The following PCDH15 variants were observed in gnomAD, a reference collection of about 807,000 sequenced individuals.
PCDH15 encodes the protein protocadherin related 15, also known as protocadherin-15.
Under a neutral mutation model 178.5 loss-of-function variants are expected in PCDH15, and 129 were observed. The ratio of observed to expected loss-of-function variants is 0.72; its 90% CI spans 0.63 to 0.84. The LOEUF (loss-of-function observed/expected upper bound fraction) is 0.84. Ranked by LOEUF, PCDH15 falls within the 40% of genes least tolerant of loss-of-function variation. PCDH15 has a pLI of 0.00. For missense variants in PCDH15, 2,230 were observed against 2,099.9 expected (o/e 1.06, Z -1.21); for synonymous variants, 800 against 732.0 (o/e 1.09, Z -1.50).
chr10:54,956,079 A>C (rs1838476745), intron 2 of PCDH15, among the ~76,000 whole-genome samples: 1 of 151,248 alleles, frequency 6.6e-6, no homozygotes, highest in Non-Finnish European at 1.5e-5. Flanking sequence ...CATCCATATT[A>C]TTTTCTTCCT....
At chr10:55,411,590 A>G (rs542400882) in intron 2 of PCDH15, among the ~76,000 whole-genome samples, 2 of 152,222 alleles carry the variant, frequency 1.3e-5, no homozygotes, top group South Asian at 2.1e-4. Flanking sequence ...TCATTCATAT[A>G]GTATTTTCTT....
intron 15 of PCDH15, among the ~76,000 whole-genome samples, chr10:54,093,020 T>C (rs2094626292): frequency 6.6e-6 from 1 of 152,110 alleles, no homozygotes; most frequent in Non-Finnish European, 1.5e-5. Context: ...TAATATCGAA[T>C]CTTTTATTAT....
intron 1 of PCDH15, among the ~76,000 whole-genome samples, chr10:54,747,076 T>G (rs1026046258): frequency 6.6e-6 from 1 of 152,260 alleles, no homozygotes; most frequent in Non-Finnish European, 1.5e-5. Context: ...GTCCTCTAGA[T>G]AAGTTCATTA....
chr10:55,596,384 C>T (rs1162349301), intron 2 of PCDH15, among the ~76,000 whole-genome samples: 1 of 152,028 alleles, frequency 6.6e-6, no homozygotes, highest in Non-Finnish European at 1.5e-5. Flanking sequence ...GTCCCTAGAT[C>T]TCACTGTATT....
chr10:54,219,453 C>T (rs1352331715), intron 9 of PCDH15, among the ~76,000 whole-genome samples: 1 of 150,690 alleles, frequency 6.6e-6, no homozygotes, highest in Non-Finnish European at 1.5e-5. Context: ...ATTAGCCAGG[C>T]TTGGTGGCGG....
At chr10:55,531,936 T>A (rs572075745) in intron 2 of PCDH15, among the ~76,000 whole-genome samples, 2 of 152,004 alleles carry the variant, frequency 1.3e-5, no homozygotes, top group Non-Finnish European at 2.9e-5. Flanking sequence ...AAAGCAGAAG[T>A]AGCAGAAAAA....
At chr10:54,939,014 A>C (rs1042454293) in intron 2 of PCDH15, among the ~76,000 whole-genome samples, 4 of 152,152 alleles carry the variant, frequency 2.6e-5, no homozygotes, top group African/African-American at 9.7e-5. Flanking sequence ...TCTTTTGAGA[A>C]CTGTGACAGT....
At chr10:54,667,987 A>G (rs1214697196) in intron 1 of PCDH15, among the ~76,000 whole-genome samples, 1 of 152,118 alleles carries the variant, frequency 6.6e-6, no homozygotes, top group African/African-American at 2.4e-5. Context: ...ATTTTATGAC[A>G]CAATTTCCTT....
At chr10:55,271,162 G>T (rs1842434741) in intron 1 of PCDH15, among the ~76,000 whole-genome samples, 1 of 151,942 alleles carries the variant, frequency 6.6e-6, no homozygotes, top group South Asian at 2.1e-4. Flanking sequence ...TGGGCAGGGG[G>T]TGAAAAACTT....
chr10:54,873,192 G>A (rs1016592432), intron 3 of PCDH15, among the ~76,000 whole-genome samples: 1 of 151,958 alleles, frequency 6.6e-6, no homozygotes, highest in South Asian at 2.1e-4. Context: ...ATATATCGTA[G>A]GTTCTCACTT....
intron 1 of PCDH15, among the ~76,000 whole-genome samples, chr10:55,249,427 A>C (rs1035398860): frequency 2.6e-5 from 4 of 152,202 alleles, no homozygotes; most frequent in African/African-American, 9.6e-5. Flanking sequence ...ATTTCTGTTC[A>C]ATATTTAATA....
At position 54,860,203 on chromosome 10, in the gene PCDH15, T is replaced by C. The variant is rs1206440015; in HGVS notation, c.-29+37247A>G. Reference sequence around the variant, plus strand: ...CATGTGCAGATTTGTTTCATGGGTGTATTGTGCATTGCTGAGGATTGTGGT... The same window carrying C: ...CATGTGCAGATTTGTTTCATGGGTGCATTGTGCATTGCTGAGGATTGTGGT... On this transcript the variant is annotated intron_variant, in intron 3 of 5. Coordinates refer to the PCDH15 transcript ENST00000458638. Among the ~76,000 whole-genome samples the C allele has an allele frequency of 3.3e-5, 5 of 152,142 alleles. No individual in the cohort carries two copies. The South Asian group carries it at 6.2e-4, about 19-fold the overall frequency.
chr10:54,525,648 A>C (rs2083294061), intron 3 of PCDH15, among the ~76,000 whole-genome samples: 1 of 152,110 alleles, frequency 6.6e-6, no homozygotes, highest in Non-Finnish European at 1.5e-5. Flanking sequence ...TAGTAGAAAC[A>C]GGGTCTTGCC....
chr10:55,139,642 C>T (rs758822407), intron 2 of PCDH15, among the ~76,000 whole-genome samples: 45 of 151,970 alleles, frequency 3.0e-4, no homozygotes, highest in Non-Finnish European at 5.3e-4. Context: ...TCTGTTCCAT[C>T]GATCTGCAGA....
intron 3 of PCDH15, among the ~76,000 whole-genome samples, chr10:54,416,549 A>G (rs61853566): frequency 0.056 from 8,573 of 152,216 alleles, 327 homozygotes; most frequent in Admixed American, 0.12. Context: ...GGTTTGTTCC[A>G]TGACTTTGCT....
intron 8 of PCDH15, among the ~76,000 whole-genome samples, chr10:54,252,191 G>A (rs80099710): frequency 2.0e-4 from 30 of 152,090 alleles, no homozygotes; most frequent in South Asian, 4.1e-4. Context: ...GGCAAAAATC[G>A]TACTTAGACC....
chr10:54,153,326 G>A (rs1039662455), intron 13 of PCDH15, 33 bp from the exon 14 acceptor site: 5 of 1,611,366 alleles, frequency 3.1e-6, no homozygotes, highest in Non-Finnish European at 4.2e-6. Flanking sequence ...AAATCCTCTT[G>A]GGTCTCAACT....
chr10:53,828,731 A>G (rs1485110685), intron 30 of PCDH15, among the ~76,000 whole-genome samples, 158 bp from the exon 31 acceptor site: 1 of 152,200 alleles, frequency 6.6e-6, no homozygotes, highest in Non-Finnish European at 1.5e-5. Context: ...AAGGATATCA[A>G]TTCAAAAGGT....
intron 2 of PCDH15, among the ~76,000 whole-genome samples, chr10:54,593,673 A>T (rs1231082566): frequency 6.6e-6 from 1 of 152,152 alleles, no homozygotes; most frequent in Non-Finnish European, 1.5e-5. Context: ...TTGTGGTTCC[A>T]TATAAATTTT....
Sources: gnomAD v4.1 joint callset for allele counts (sites outside exome capture counted in the v4.1 genomes callset) on GRCh38, gnomAD v4.1.1 for gene constraint, MANE v1.5 for transcripts, NCBI Gene and HGNC (gene_info 2026-07-23, HGNC 2026-07-21) for gene names.